The following FRMD3 variants were observed in gnomAD, a reference collection of about 807,000 sequenced individuals.
The protein encoded by FRMD3 is FERM domain-containing protein 3.
FRMD3 carries 33 observed loss-of-function variants against 70.2 expected under a neutral mutation model. That is an observed-to-expected ratio of 0.47 (90% CI 0.36 to 0.63). The LOEUF is 0.63. Ranked by LOEUF, FRMD3 falls within the 20% of genes least tolerant of loss-of-function variation. The pLI is 0.00. For missense variants in FRMD3, 632 were observed against 711.4 expected (o/e 0.89, Z 1.27); for synonymous variants, 279 against 255.9 (o/e 1.09, Z -0.86).
intron 1 of FRMD3, among the ~76,000 whole-genome samples, chr9:83,471,409 T>C (rs1168868185): frequency 1.3e-5 from 2 of 152,204 alleles, no homozygotes; most frequent in East Asian, 3.9e-4. Context: ...ACAATAATGC[T>C]CAGCAGATGA....
chr9:83,401,769 C>T (rs571350572), intron 1 of FRMD3, among the ~76,000 whole-genome samples: 32 of 152,302 alleles, frequency 2.1e-4, no homozygotes, highest in African/African-American at 7.0e-4. Context: ...ACATGCATCA[C>T]TTCGGTTTAT....
chr9:83,422,034 G>C (rs554343289), intron 1 of FRMD3, among the ~76,000 whole-genome samples: 1 of 152,292 alleles, frequency 6.6e-6, no homozygotes, highest in East Asian at 1.9e-4. Flanking sequence ...AGACCAGCCT[G>C]GCCAACGTGG....
At chr9:83,443,097 G>T (rs1005278864) in intron 1 of FRMD3, among the ~76,000 whole-genome samples, 3 of 152,142 alleles carry the variant, frequency 2.0e-5, no homozygotes, top group Admixed American at 6.5e-5. Flanking sequence ...AATCATAAAT[G>T]ATTCTTATTA....
chr9:83,406,407 G>C (rs983383240), intron 1 of FRMD3, among the ~76,000 whole-genome samples: 1 of 152,174 alleles, frequency 6.6e-6, no homozygotes, highest in African/African-American at 2.4e-5. Context: ...GCCTTACTCC[G>C]GGTCTCCACT....
intron 4 of FRMD3, among the ~76,000 whole-genome samples, chr9:83,344,675 G>A (rs772095541): frequency 9.2e-5 from 14 of 152,156 alleles, no homozygotes; most frequent in Non-Finnish European, 1.9e-4. Context: ...TGGTTCTCAG[G>A]CCTTTGAACT....
At chr9:83,554,349 G>A in the FRMD3 span, among the ~76,000 whole-genome samples, 1 of 152,160 alleles carries the variant, frequency 6.6e-6, no homozygotes, top group Non-Finnish European at 1.5e-5. Flanking sequence ...CAGCTCTGGT[G>A]TGATCTCAGT....
At chr9:83,355,768 T>C (rs796784231) in intron 3 of FRMD3, among the ~76,000 whole-genome samples, 4 of 152,314 alleles carry the variant, frequency 2.6e-5, no homozygotes, top group African/African-American at 9.6e-5. Flanking sequence ...GAAGACTGAA[T>C]TGAATTCAAC....
At chr9:83,296,778 G>A (rs952444567) in intron 12 of FRMD3, among the ~76,000 whole-genome samples, 3 of 152,146 alleles carry the variant, frequency 2.0e-5, no homozygotes, top group African/African-American at 7.2e-5. Context: ...GCACTCTGGG[G>A]TTCAGTCTAC....
intron 13 of FRMD3, among the ~76,000 whole-genome samples, chr9:83,263,799 A>G (rs1379464594): frequency 5.9e-5 from 9 of 152,234 alleles, no homozygotes; most frequent in Non-Finnish European, 1.3e-4. Flanking sequence ...AATGGAAAGT[A>G]TCATTCAAAA....
intron 1 of FRMD3, among the ~76,000 whole-genome samples, chr9:83,497,933 A>G (rs559872354): frequency 6.6e-6 from 1 of 152,302 alleles, no homozygotes; most frequent in South Asian, 2.1e-4. Flanking sequence ...GGATCACCTG[A>G]GGTCAGGAGT....
intron 1 of FRMD3, among the ~76,000 whole-genome samples, chr9:83,407,837 GTC>G (rs761983764): frequency 0.099 from 10,190 of 103,398 alleles, 615 homozygotes; most frequent in South Asian, 0.23. Flanking sequence ...GGGTTGTTGA[GTC>G]TCTCTCTCTC....
intron 13 of FRMD3, among the ~76,000 whole-genome samples, chr9:83,268,356 G>A (rs13302331): frequency 0.19 from 28,235 of 152,212 alleles, 2,738 homozygotes; most frequent in Non-Finnish European, 0.21. Flanking sequence ...GATTTTTATA[G>A]CTGTGGTATT....
intron 6 of FRMD3, among the ~76,000 whole-genome samples, chr9:83,328,579 T>G (rs563296395): frequency 1.3e-5 from 2 of 152,338 alleles, no homozygotes; most frequent in South Asian, 2.1e-4. Flanking sequence ...CTTTGACTAA[T>G]AAAAATTAGG....
At chr9:83,556,499 T>A in the FRMD3 span, among the ~76,000 whole-genome samples, 1 of 152,210 alleles carries the variant, frequency 6.6e-6, no homozygotes, top group Non-Finnish European at 1.5e-5. Context: ...AAATATTTCG[T>A]TTTCTTTCCT....
the FRMD3 span, among the ~76,000 whole-genome samples, chr9:83,566,906 T>G: frequency 6.6e-6 from 1 of 152,336 alleles, no homozygotes; most frequent in Admixed American, 6.5e-5. Context: ...TGCAAGCTGT[T>G]GGTGGATCTA....
chr9:83,479,790 G>GAA (rs1828523730), intron 1 of FRMD3, among the ~76,000 whole-genome samples: 6 of 11,694 alleles, frequency 5.1e-4, no homozygotes, highest in African/African-American at 9.5e-4. Flanking sequence ...AGGGAGGGAA[G>GAA]GAAGGAAGGA....
intron 1 of FRMD3, among the ~76,000 whole-genome samples, chr9:83,438,104 T>C (rs1385095681): frequency 6.6e-6 from 1 of 152,108 alleles, no homozygotes; most frequent in Non-Finnish European, 1.5e-5. Flanking sequence ...AAATTACTAT[T>C]AAGCATACCA....
chr9:83,577,733 T>C, the FRMD3 span, among the ~76,000 whole-genome samples: 12 of 151,946 alleles, frequency 7.9e-5, no homozygotes, highest in East Asian at 1.9e-3. Context: ...CAAACGCCTA[T>C]ACCAAACAAG....
chr9:83,445,447 C>A (rs911735388), intron 1 of FRMD3, among the ~76,000 whole-genome samples: 1 of 152,154 alleles, frequency 6.6e-6, no homozygotes, highest in East Asian at 1.9e-4. Flanking sequence ...AGAAGATATG[C>A]TCCAAAGGGC....
Sources: gnomAD v4.1 joint callset for allele counts (sites outside exome capture counted in the v4.1 genomes callset) on GRCh38, gnomAD v4.1.1 for gene constraint, MANE v1.5 for transcripts, NCBI Gene and HGNC (gene_info 2026-07-23, HGNC 2026-07-21) for gene names.